ZSWIM7: variants seen among roughly 807,000 people sequenced by gnomAD.
ZSWIM7 encodes zinc finger SWIM domain-containing protein 7.
ZSWIM7 carries 22 observed loss-of-function variants against 21.1 expected under a neutral mutation model. The observed-to-expected ratio is 1.04, with a 90% CI of 0.74 to 1.49. The LOEUF (loss-of-function observed/expected upper bound fraction) is 1.49, where lower values mean the gene tolerates loss of function less well. Among genes scored for constraint, ZSWIM7 ranks in the 40% most tolerant of loss-of-function variants. The probability of loss-of-function intolerance (pLI) is 0.00; values close to 1 mark genes in which losing one functional copy is unlikely to be tolerated. For synonymous variants in ZSWIM7, 67 were observed against 66.5 expected, an observed-to-expected ratio of 1.01 and a Z score of -0.04; for missense variants, 193 against 168.0, an observed-to-expected ratio of 1.15 and a Z score of -0.82.
intron 4 of ZSWIM7, among the ~76,000 whole-genome samples, chr17:15,978,704 T>C (rs1250854323): frequency 6.6e-6 from 1 of 152,216 alleles, no homozygotes; most frequent in Non-Finnish European, 1.5e-5. Flanking sequence ...GGGAAATGGC[T>C]TAGATCCATC....
chr17:15,985,182 T>A (rs1241660324), intron 3 of ZSWIM7, among the ~76,000 whole-genome samples: 1 of 151,848 alleles, frequency 6.6e-6, no homozygotes, highest in Non-Finnish European at 1.5e-5. Flanking sequence ...TACACACCTG[T>A]AATCCCAGCT....
At position 15,977,911 on chromosome 17, in the gene ZSWIM7, G is replaced by A. The variant is rs1970298803; in HGVS notation, c.*136C>T. On this transcript the variant is annotated 3_prime_UTR_variant, in exon 5 of 5. Transcript: ENST00000399277. ...GCTCCAACCCACAGCACCTCCTGCA[G>A]TCCTGGAGGGAAAAGGGACAGTAAC... The A allele has an allele frequency of 4.1e-6, 3 of 739,610 alleles. No individual in the cohort carries two copies. The highest frequency in any genetic ancestry group is 5.3e-5 in the East Asian group (2 of 37,856). 45.8% of individuals were successfully genotyped at this position (739,610 alleles called of 1,614,324 possible). A position where few individuals can be genotyped will look rare whatever the true frequency, so the allele number is the denominator to read the frequency against.
Position 15,977,946 on chromosome 17 carries a change from C to G in ZSWIM7, c.*101G>C. 1 of 968,370 alleles carries G rather than the reference C, an allele frequency of 1.0e-6. No homozygotes were observed. The highest frequency in any genetic ancestry group is 1.8e-5 in the Admixed American group (1 of 56,490). The allele number at this position is 968,370 out of a possible 1,614,324, so 60.0% of individuals were successfully genotyped here. Reference sequence around the variant, plus strand: ...GAAAAGGGACAGTAACATGAAGTGTCTGAAGATCCATTTCACCTCTTTTCC... The same window carrying G: ...GAAAAGGGACAGTAACATGAAGTGTGTGAAGATCCATTTCACCTCTTTTCC... On this transcript the variant is annotated 3_prime_UTR_variant, in exon 5 of 5. Coordinates refer to ENST00000399277, the MANE Select transcript of ZSWIM7 (RefSeq NM_001042697.2).
chr17:15,985,605 G>A (rs1970400075), intron 3 of ZSWIM7, among the ~76,000 whole-genome samples: 1 of 152,162 alleles, frequency 6.6e-6, no homozygotes, highest in Admixed American at 6.6e-5. Context: ...AGTCCAAGAT[G>A]ACAGCCACAA....
At chr17:15,979,870 G>A (rs113834056) in intron 4 of ZSWIM7, among the ~76,000 whole-genome samples, 4 of 60,214 alleles carry the variant, frequency 6.6e-5, no homozygotes, top group African/African-American at 2.3e-4. Context: ...CTGGCCGGGC[G>A]GGGGGCTGAC....
chr17:15,989,395 G>A (rs1340271264), intron 2 of ZSWIM7, among the ~76,000 whole-genome samples: 1 of 151,476 alleles, frequency 6.6e-6, no homozygotes, highest in Non-Finnish European at 1.5e-5. Flanking sequence ...TCGGCTCACT[G>A]CAACTTCTGC....
intron 4 of ZSWIM7, 32 bp from the exon 5 acceptor site, chr17:15,978,195 A>G: frequency 3.2e-6 from 5 of 1,555,608 alleles, no homozygotes; most frequent in Non-Finnish European, 4.4e-6. Context: ...CCTATTAGAA[A>G]CAGGCAGGGC....
chr17:15,993,210 G>A (rs1475894104), intron 2 of ZSWIM7, among the ~76,000 whole-genome samples: 1 of 151,868 alleles, frequency 6.6e-6, no homozygotes, highest in Admixed American at 6.6e-5. Flanking sequence ...TTTTCGTAGA[G>A]ATGGGGGGTC....
At chr17:15,996,100 C>A (rs753713956) in intron 1 of ZSWIM7, among the ~76,000 whole-genome samples, 3 of 151,998 alleles carry the variant, frequency 2.0e-5, no homozygotes, top group South Asian at 4.1e-4. Flanking sequence ...TTCAGCCGGG[C>A]GCGATGGTCA....
intron 1 of ZSWIM7, chr17:15,999,301 C>A: frequency 1.5e-6 from 1 of 679,310 alleles, no homozygotes; most frequent in Non-Finnish European, 2.5e-6. Flanking sequence ...TGCGCTGTAC[C>A]GTAAATATTT....
chr17:15,983,698 T>C (rs1450976026), intron 3 of ZSWIM7, among the ~76,000 whole-genome samples: 3 of 152,154 alleles, frequency 2.0e-5, no homozygotes, highest in African/African-American at 7.2e-5. Context: ...GCCATTCTCC[T>C]GCCTCAGCCG....
rs1378585940 is a variant in ZSWIM7, at chr17:15,999,542, G to A, written c.53C>T (p.Ala18Val). The A allele has an allele frequency of 2.5e-6, 4 of 1,599,646 alleles. No homozygotes were observed. The highest frequency in any genetic ancestry group is 1.7e-5 in the Admixed American group (1 of 59,492). The change falls in exon 1 of 5, where the codon GCG (alanine) becomes GTG (valine). Residue 18 changes from alanine (A) to valine (V), a missense_variant. Coordinates refer to ENST00000399277, the MANE Select transcript of ZSWIM7 (RefSeq NM_001042697.2). ...ACTTCGCGCGCTCTCCTGCACCGCC[G>A]CCGCCATCTCGCTCAGGAGCTCCTC... ...VVEELLSEMA[A>V]AVQESARIPD...
At chr17:15,979,817 G>A (rs1460511073) in intron 4 of ZSWIM7, among the ~76,000 whole-genome samples, 10 of 122,720 alleles carry the variant, frequency 8.1e-5, no homozygotes, top group East Asian at 2.6e-4. Context: ...CCTCCCTCCC[G>A]GACGGGGGGC....
chr17:15,979,837 C>A (rs1361294155), intron 4 of ZSWIM7, among the ~76,000 whole-genome samples: 2 of 119,778 alleles, frequency 1.7e-5, no homozygotes, highest in Non-Finnish European at 3.6e-5. Flanking sequence ...CTGACCCCCC[C>A]ACCTCCCTCC....
intron 2 of ZSWIM7, among the ~76,000 whole-genome samples, chr17:15,993,092 G>A (rs2151629844): frequency 6.6e-6 from 1 of 152,074 alleles, no homozygotes; most frequent in Admixed American, 6.5e-5. Flanking sequence ...TGGTCAGGCT[G>A]GTCTTGAACT....
intron 1 of ZSWIM7, among the ~76,000 whole-genome samples, chr17:15,998,840 C>T (rs563910829): frequency 1.3e-5 from 2 of 151,728 alleles, no homozygotes; most frequent in East Asian, 1.9e-4. Flanking sequence ...CGGCAACCTC[C>T]GCCTCCCGGG....
chr17:15,980,999 C>A, intron 4 of ZSWIM7, 41 bp downstream of exon 4: 2 of 1,471,324 alleles, frequency 1.4e-6, no homozygotes, highest in South Asian at 1.2e-5. Context: ...CAATTTCTCT[C>A]TACATTCAAC....
chr17:15,995,766 T>C (rs992722214), intron 1 of ZSWIM7, among the ~76,000 whole-genome samples: 5 of 151,656 alleles, frequency 3.3e-5, no homozygotes, highest in African/African-American at 1.2e-4. Context: ...AGAAAACAGA[T>C]GGAGGGAATT....
intron 4 of ZSWIM7, 133 bp from the exon 5 acceptor site, chr17:15,978,296 T>C (rs557344944): frequency 2.9e-6 from 2 of 687,218 alleles, no homozygotes; most frequent in South Asian, 3.5e-5. Flanking sequence ...CTCTAACTGA[T>C]TGTCTAAAAA....
Sources: gnomAD v4.1 joint callset for allele counts (sites outside exome capture counted in the v4.1 genomes callset) on GRCh38, gnomAD v4.1.1 for gene constraint, MANE v1.5 for transcripts, NCBI Gene and HGNC (gene_info 2026-07-23, HGNC 2026-07-21) for gene names.